Variants in ZNF385B observed in about 807,000 individuals in gnomAD.
ZNF385B encodes zinc finger protein 385B, also known as zinc finger protein 533.
Under a neutral mutation model 39.2 loss-of-function variants are expected in ZNF385B, and 23 were observed. The observed-to-expected ratio is 0.59, with a 90% confidence interval of 0.42 to 0.83. The LOEUF is 0.83. ZNF385B is among the 40% of genes least tolerant of loss of function. The pLI is 0.00. For missense variants in ZNF385B, 552 were observed against 598.9 expected, an observed-to-expected ratio of 0.92 and a Z score of 0.82; for synonymous variants, 205 against 222.6, an observed-to-expected ratio of 0.92 and a Z score of 0.70.
chr2:179,480,738 A>G (rs2053904272), intron 6 of ZNF385B, among the ~76,000 whole-genome samples: 1 of 151,636 alleles, frequency 6.6e-6, no homozygotes, highest in Non-Finnish European at 1.5e-5. Flanking sequence ...ACTTTGGTGT[A>G]GCTTTTATAA....
chr2:179,778,265 C>A (rs1286776715), intron 1 of ZNF385B, among the ~76,000 whole-genome samples: 1 of 152,202 alleles, frequency 6.6e-6, no homozygotes, highest in Non-Finnish European at 1.5e-5. Flanking sequence ...CAGCAGAGCA[C>A]AAGACAGCAA....
At chr2:179,525,250 G>C (rs1437656449) in intron 4 of ZNF385B, among the ~76,000 whole-genome samples, 1 of 152,188 alleles carries the variant, frequency 6.6e-6, no homozygotes, top group Admixed American at 6.5e-5. Context: ...CAGTCTGGAA[G>C]GTTGCTGCCT....
At chr2:179,833,649 G>C (rs1708098329) in intron 1 of ZNF385B, among the ~76,000 whole-genome samples, 1 of 152,052 alleles carries the variant, frequency 6.6e-6, no homozygotes, top group Non-Finnish European at 1.5e-5. Flanking sequence ...AAAACACCTG[G>C]TAGTACTGAA....
chr2:179,787,451 C>T (rs928267479), intron 1 of ZNF385B, among the ~76,000 whole-genome samples: 4 of 151,910 alleles, frequency 2.6e-5, no homozygotes, highest in Admixed American at 6.6e-5. Flanking sequence ...GTATAGAAGC[C>T]TTAAAACCAA....
At chr2:179,507,337 A>C (rs960967033) in intron 5 of ZNF385B, among the ~76,000 whole-genome samples, 3 of 152,162 alleles carry the variant, frequency 2.0e-5, no homozygotes, top group Non-Finnish European at 4.4e-5. Context: ...GCCCTGGTTT[A>C]GCTCTAATAT....
At chr2:179,484,950 G>A (rs1411009223) in intron 5 of ZNF385B, among the ~76,000 whole-genome samples, 1 of 152,156 alleles carries the variant, frequency 6.6e-6, no homozygotes, top group African/African-American at 2.4e-5. Flanking sequence ...AGCTGGAGAA[G>A]TGCTTACATA....
intron 3 of ZNF385B, among the ~76,000 whole-genome samples, chr2:179,547,540 AT>A (rs1226792940): frequency 6.7e-6 from 1 of 148,986 alleles, no homozygotes; most frequent in Non-Finnish European, 1.5e-5. Flanking sequence ...GTACAGCTTT[AT>A]TTCTGGGTTC....
intron 3 of ZNF385B, among the ~76,000 whole-genome samples, chr2:179,693,196 GT>G (rs1698480911): frequency 6.6e-6 from 1 of 152,126 alleles, no homozygotes; most frequent in Admixed American, 6.5e-5. Flanking sequence ...TCCTAACCTT[GT>G]TTCTACCAAC....
At chr2:179,830,118 T>A (rs535857088) in intron 1 of ZNF385B, among the ~76,000 whole-genome samples, 1 of 152,340 alleles carries the variant, frequency 6.6e-6, no homozygotes, top group East Asian at 1.9e-4. Flanking sequence ...AGACTCCGTA[T>A]CATGTCACTG....
chr2:179,653,043 A>T (rs559110063), intron 3 of ZNF385B, among the ~76,000 whole-genome samples: 7 of 152,206 alleles, frequency 4.6e-5, no homozygotes, highest in East Asian at 1.9e-4. Flanking sequence ...CTCAATAAAA[A>T]TTTTTTAAGT....
chr2:179,702,420 A>C (rs1426922356), intron 3 of ZNF385B, among the ~76,000 whole-genome samples: 2 of 152,218 alleles, frequency 1.3e-5, no homozygotes, highest in African/African-American at 2.4e-5. Context: ...ATTTGTGAGT[A>C]AAAGGCAGGC....
At chr2:179,763,933 G>A (rs1703544397) in intron 3 of ZNF385B, among the ~76,000 whole-genome samples, 1 of 152,082 alleles carries the variant, frequency 6.6e-6, no homozygotes, top group South Asian at 2.1e-4. Context: ...AAAAAATAGT[G>A]TTATACTGTT....
intron 3 of ZNF385B, among the ~76,000 whole-genome samples, chr2:179,565,018 C>T (rs1236258683): frequency 2.0e-5 from 3 of 152,138 alleles, no homozygotes; most frequent in African/African-American, 4.8e-5. Flanking sequence ...TGACATCTGT[C>T]ACCTCCTTTC....
chr2:179,830,713 C>T (rs1055200944), intron 1 of ZNF385B, among the ~76,000 whole-genome samples: 2 of 152,028 alleles, frequency 1.3e-5, no homozygotes, highest in Non-Finnish European at 2.9e-5. Flanking sequence ...GATGGGGAGG[C>T]AGAGATGAAT....
intron 1 of ZNF385B, among the ~76,000 whole-genome samples, chr2:179,809,314 ACT>A (rs771121145): frequency 6.6e-6 from 1 of 150,476 alleles, no homozygotes; most frequent in Non-Finnish European, 1.5e-5. Context: ...TTTCAGTAAA[ACT>A]CTCTCTCTTC....
Position 179,467,701 on chromosome 2 carries a change from C to G in ZNF385B, c.715+15571G>C, listed in dbSNP as rs570736293. 1.1e-4 allele frequency among the ~76,000 whole-genome samples: 16 copies of G among 151,842 alleles called. No individual in the cohort carries two copies. In the East Asian group the frequency reaches 2.5e-3, roughly 24 times the overall value. The stretch of plus-strand genomic sequence containing the variant: ...AAGCTTGCTAAATCCTAATTAGCTA[C>G]ATTTATGTCTAATTTTCATATCTTG... On this transcript the variant is annotated intron_variant, in intron 6 of 9. Transcript: ENST00000410066.
chr2:179,648,319 T>C (rs6751130), intron 3 of ZNF385B, among the ~76,000 whole-genome samples: 42,016 of 151,922 alleles, frequency 0.28, 6,019 homozygotes, highest in African/African-American at 0.35. Context: ...TTCATAAATA[T>C]ATTAGGATAA....
At chr2:179,713,580 C>T (rs1401013870) in intron 3 of ZNF385B, among the ~76,000 whole-genome samples, 1 of 152,172 alleles carries the variant, frequency 6.6e-6, no homozygotes, top group Non-Finnish European at 1.5e-5. Flanking sequence ...CACATAATTG[C>T]ATGATTATTT....
chr2:179,702,879 C>A (rs1699315222), intron 3 of ZNF385B, among the ~76,000 whole-genome samples: 1 of 152,080 alleles, frequency 6.6e-6, no homozygotes, highest in Non-Finnish European at 1.5e-5. Flanking sequence ...TGCTCTTTCT[C>A]CCGCATCCCG....
Sources: allele counts gnomAD v4.1 joint callset (sites outside exome capture counted in the v4.1 genomes callset), GRCh38; gene constraint gnomAD v4.1.1; transcripts MANE v1.5; gene names NCBI Gene and HGNC (gene_info 2026-07-23, HGNC 2026-07-21).